Variants in ADGRL3 observed in about 807,000 individuals in gnomAD.
The protein encoded by ADGRL3 is calcium-independent alpha-latrotoxin receptor 3.
Under a neutral mutation model 153.5 loss-of-function variants are expected in ADGRL3, and 62 were observed. The ratio of observed to expected loss-of-function variants is 0.40; its 90% CI spans 0.33 to 0.50. The LOEUF (loss-of-function observed/expected upper bound fraction) is 0.50. Among genes scored for constraint, ADGRL3 ranks in the 20% least tolerant of loss-of-function variants. The probability of loss-of-function intolerance (pLI) is 0.47; values close to 1 mark genes in which losing one functional copy is unlikely to be tolerated. For synonymous variants in ADGRL3, 710 were observed against 672.5 expected (o/e 1.06, Z -0.86); for missense variants, 1,641 against 1,859.4 (o/e 0.88, Z 2.16).
At chr4:61,551,833 G>T (rs905138067) in intron 4 of ADGRL3, among the ~76,000 whole-genome samples, 10 of 152,102 alleles carry the variant, frequency 6.6e-5, no homozygotes, top group Admixed American at 1.3e-4. Flanking sequence ...ACAATAGTTT[G>T]CAATATTCTG....
At chr4:61,965,242 C>T (rs547360781) in intron 17 of ADGRL3, among the ~76,000 whole-genome samples, 2 of 151,978 alleles carry the variant, frequency 1.3e-5, no homozygotes, top group South Asian at 4.2e-4. Context: ...CAAGCGATCC[C>T]CCCGCCATTT....
intron 8 of ADGRL3, among the ~76,000 whole-genome samples, chr4:61,769,648 T>C (rs914050358): frequency 2.6e-5 from 4 of 151,540 alleles, no homozygotes; most frequent in South Asian, 2.1e-4. Flanking sequence ...AAAGGGTCAG[T>C]GAAGGGAGAT....
intron 5 of ADGRL3, among the ~76,000 whole-genome samples, chr4:61,609,001 CT>C (rs550504778): frequency 6.6e-6 from 1 of 151,822 alleles, no homozygotes; most frequent in Non-Finnish European, 1.5e-5. Flanking sequence ...TAAAAATTGT[CT>C]TTTTTTTCTT....
At position 61,817,389 on chromosome 4, in the gene ADGRL3, GGC is replaced by G. The variant is rs371844941; in HGVS notation, c.1480+3501_1480+3502del. On this transcript the variant is annotated intron_variant, in intron 9 of 26. Coordinates refer to ENST00000683033, the MANE Select transcript of ADGRL3 (RefSeq NM_001387552.1). ...TCCCATGGCTGCCCATGGACCAATT[GGC>G]ATGCACTTCCACCCTTCTGAGCCCA... Among the ~76,000 whole-genome samples the G allele has an allele frequency of 4.1e-4, 63 of 152,234 alleles. No homozygotes were observed. In the East Asian group the frequency reaches 0.011, roughly 26 times the overall value.
chr4:61,336,368 A>G (rs1317811595), intron 1 of ADGRL3, among the ~76,000 whole-genome samples: 1 of 152,130 alleles, frequency 6.6e-6, no homozygotes, highest in African/African-American at 2.4e-5. Flanking sequence ...TCCACACTCC[A>G]TATGGATTGC....
chr4:61,982,215 A>G (rs141402481), intron 18 of ADGRL3, among the ~76,000 whole-genome samples: 196 of 152,316 alleles, frequency 1.3e-3, no homozygotes, highest in Non-Finnish European at 2.5e-3. Flanking sequence ...CAAATATTGC[A>G]TACTACACAA....
At chr4:61,388,774 C>T (rs1474666062) in intron 2 of ADGRL3, among the ~76,000 whole-genome samples, 1 of 152,186 alleles carries the variant, frequency 6.6e-6, no homozygotes, top group Non-Finnish European at 1.5e-5. Flanking sequence ...CTAGGCCACT[C>T]TACCTAAGAG....
chr4:61,721,469 T>C (rs2096243025), intron 6 of ADGRL3, among the ~76,000 whole-genome samples: 1 of 152,212 alleles, frequency 6.6e-6, no homozygotes, highest in Non-Finnish European at 1.5e-5. Flanking sequence ...AAGTTTGCTC[T>C]TTCCAACTTC....
chr4:62,031,302 G>C (rs1434835127), intron 22 of ADGRL3, 140 bp from the exon 23 acceptor site: 19 of 609,776 alleles, frequency 3.1e-5, no homozygotes, highest in South Asian at 6.5e-5. Flanking sequence ...AAACCTTAAA[G>C]TACTTACACC....
intron 2 of ADGRL3, among the ~76,000 whole-genome samples, chr4:61,486,922 C>G (rs992455470): frequency 6.6e-6 from 1 of 152,138 alleles, no homozygotes; most frequent in African/African-American, 2.4e-5. Context: ...ATTGCTATCT[C>G]TTCAGATGTG....
chr4:61,349,253 A>G (rs2095991529), intron 1 of ADGRL3, among the ~76,000 whole-genome samples: 1 of 152,080 alleles, frequency 6.6e-6, no homozygotes, highest in African/African-American at 2.4e-5. Flanking sequence ...GTGTTCAGAA[A>G]TGTGTTCCAT....
intron 9 of ADGRL3, among the ~76,000 whole-genome samples, chr4:61,871,070 A>C (rs907165352): frequency 2.0e-5 from 3 of 152,264 alleles, no homozygotes; most frequent in Admixed American, 2.0e-4. Context: ...CGAGGTCAGG[A>C]GATCGAGACC....
intron 9 of ADGRL3, among the ~76,000 whole-genome samples, chr4:61,856,737 C>A (rs1290095951): frequency 1.3e-5 from 2 of 150,596 alleles, no homozygotes; most frequent in Non-Finnish European, 3.0e-5. Context: ...CTGCTTCAGC[C>A]TCCTGAACAG....
At chr4:61,989,504 A>G (rs1044147418) in intron 19 of ADGRL3, among the ~76,000 whole-genome samples, 1 of 152,024 alleles carries the variant, frequency 6.6e-6, no homozygotes, top group African/African-American at 2.4e-5. Context: ...GTATGTTTAT[A>G]TACTATTTTA....
intron 2 of ADGRL3, among the ~76,000 whole-genome samples, chr4:61,433,063 C>T (rs1374823377): frequency 6.6e-6 from 1 of 152,048 alleles, no homozygotes; most frequent in Non-Finnish European, 1.5e-5. Flanking sequence ...CCCTGGGCAT[C>T]ACTATGCATG....
intron 2 of ADGRL3, among the ~76,000 whole-genome samples, chr4:61,413,254 C>T (rs1393304385): frequency 6.6e-6 from 1 of 152,120 alleles, no homozygotes; most frequent in East Asian, 1.9e-4. Context: ...TGCCTTGTTA[C>T]CCTGTGTGAC....
At chr4:61,889,374 G>T (rs939821616) in intron 9 of ADGRL3, among the ~76,000 whole-genome samples, 7 of 152,168 alleles carry the variant, frequency 4.6e-5, no homozygotes, top group African/African-American at 1.7e-4. Flanking sequence ...ATGGTTTAAA[G>T]AATATACTTA....
chr4:61,526,819 T>A (rs901380242), intron 4 of ADGRL3, among the ~76,000 whole-genome samples: 1 of 151,806 alleles, frequency 6.6e-6, no homozygotes, highest in African/African-American at 2.4e-5. Flanking sequence ...TCGAGGAATG[T>A]TGTAATACCT....
intron 11 of ADGRL3, among the ~76,000 whole-genome samples, chr4:61,899,519 A>G (rs1047501385): frequency 1.3e-5 from 2 of 152,182 alleles, no homozygotes; most frequent in East Asian, 1.9e-4. Flanking sequence ...AAAAAAAACC[A>G]CAATATACAC....
Sources: gnomAD v4.1 joint callset for allele counts (sites outside exome capture counted in the v4.1 genomes callset) on GRCh38, gnomAD v4.1.1 for gene constraint, MANE v1.5 for transcripts, NCBI Gene and HGNC (gene_info 2026-07-23, HGNC 2026-07-21) for gene names.